Variants in DTNA observed in about 807,000 individuals in gnomAD.
The protein encoded by DTNA is dystrobrevin alpha, also known as dystrophin-related protein 3.
In DTNA, 43 loss-of-function variants were observed where a neutral mutation model predicts 100.7. The observed-to-expected ratio is 0.43, with a 90% CI of 0.33 to 0.55. The LOEUF (loss-of-function observed/expected upper bound fraction) is 0.55, where lower values mean the gene tolerates loss of function less well. Among genes scored for constraint, DTNA ranks in the 20% least tolerant of loss-of-function variants. The pLI, the probability that DTNA is intolerant of heterozygous loss-of-function variation, is 0.04. For missense variants in DTNA, 798 were observed against 953.9 expected, an observed-to-expected ratio of 0.84 and a Z score of 2.15; for synonymous variants, 349 against 347.9, an observed-to-expected ratio of 1.00 and a Z score of -0.04.
intron 1 of DTNA, among the ~76,000 whole-genome samples, chr18:34,729,354 G>A (rs1194767079): frequency 6.6e-6 from 1 of 152,172 alleles, no homozygotes; most frequent in African/African-American, 2.4e-5. Context: ...TCTTCCTTGA[G>A]TTCTTATGGC....
chr18:34,867,553 C>T (rs1245049971), intron 17 of DTNA: 15 of 1,120,872 alleles, frequency 1.3e-5, no homozygotes, highest in Non-Finnish European at 1.5e-5. Context: ...CTTCTTTCCT[C>T]TCCTGTCTCT....
intron 14 of DTNA, among the ~76,000 whole-genome samples, chr18:34,850,360 C>T (rs536632353): frequency 6.6e-6 from 1 of 152,210 alleles, no homozygotes; most frequent in Admixed American, 6.5e-5. Context: ...AGAAGAAAAT[C>T]TTGAATCACA....
intron 2 of DTNA, 150 bp downstream of exon 2, chr18:34,756,193 TCTTA>T (rs1303393790): frequency 2.4e-6 from 2 of 831,990 alleles, no homozygotes; most frequent in Non-Finnish European, 3.8e-6. Context: ...CTTTTTTACT[TCTTA>T]CTTGGCAAGA....
At chr18:34,867,285 G>C (rs2096716147) in intron 17 of DTNA, 1 of 1,231,118 alleles carries the variant, frequency 8.1e-7, no homozygotes, top group African/African-American at 1.6e-5. Context: ...TGTAAAAAAG[G>C]AAAGTGTAAA....
chr18:34,563,625 C>T (rs1010223920), intron 1 of DTNA, among the ~76,000 whole-genome samples: 1 of 152,166 alleles, frequency 6.6e-6, no homozygotes, highest in Non-Finnish European at 1.5e-5. Context: ...GTTCCTCCTT[C>T]CTCTTCTGCT....
chr18:34,685,547 T>C (rs1049578104), intron 1 of DTNA, among the ~76,000 whole-genome samples: 1 of 152,228 alleles, frequency 6.6e-6, no homozygotes, highest in African/African-American at 2.4e-5. Flanking sequence ...TGTAGCCTTG[T>C]AGTATAGTTT....
At chr18:34,563,456 GT>G (rs1337302412) in intron 1 of DTNA, among the ~76,000 whole-genome samples, 1 of 152,198 alleles carries the variant, frequency 6.6e-6, no homozygotes, top group African/African-American at 2.4e-5. Flanking sequence ...AAGCCAACCA[GT>G]TTTTGCTTAA....
intron 1 of DTNA, among the ~76,000 whole-genome samples, chr18:34,742,172 A>G (rs1432798567): frequency 6.6e-6 from 1 of 152,186 alleles, no homozygotes; most frequent in Non-Finnish European, 1.5e-5. Flanking sequence ...GCTACCTGCA[A>G]TGTGATCTTG....
intron 1 of DTNA, among the ~76,000 whole-genome samples, chr18:34,653,638 C>T (rs1025538666): frequency 4.6e-5 from 7 of 152,014 alleles, no homozygotes; most frequent in Admixed American, 1.3e-4. Context: ...GCCTGGTCAA[C>T]GTGGTGAAAC....
chr18:34,807,525 G>GATC (rs2095391208), intron 5 of DTNA, among the ~76,000 whole-genome samples: 6 of 152,164 alleles, frequency 3.9e-5, no homozygotes, highest in Admixed American at 3.9e-4. Flanking sequence ...CAAAAGGAAA[G>GATC]AATAAAGGAA....
At chr18:34,606,583 C>G (rs772690954) in intron 1 of DTNA, among the ~76,000 whole-genome samples, 15 of 152,040 alleles carry the variant, frequency 9.9e-5, no homozygotes, top group Non-Finnish European at 2.2e-4. Flanking sequence ...GAATGCAGTG[C>G]CCAGTGGGAA....
intron 8 of DTNA, chr18:34,818,547 G>A (rs2095643225): frequency 1.4e-6 from 2 of 1,425,720 alleles, no homozygotes; most frequent in Non-Finnish European, 1.8e-6. Flanking sequence ...AATATAGGAA[G>A]ACTCAAAACT....
chr18:34,505,317 A>G (rs547365909), intron 1 of DTNA, among the ~76,000 whole-genome samples: 95 of 152,254 alleles, frequency 6.2e-4, no homozygotes, highest in Middle Eastern at 3.4e-3. Context: ...CCCTCCTTTA[A>G]GGACACTGTG....
At chr18:34,857,360 A>G (rs2096564879) in intron 15 of DTNA, among the ~76,000 whole-genome samples, 1 of 152,228 alleles carries the variant, frequency 6.6e-6, no homozygotes, top group African/African-American at 2.4e-5. Flanking sequence ...TTCACCTTCC[A>G]TTCGCAGTGC....
At chr18:34,578,682 T>C (rs1054897384) in intron 1 of DTNA, among the ~76,000 whole-genome samples, 4 of 152,222 alleles carry the variant, frequency 2.6e-5, no homozygotes, top group African/African-American at 9.6e-5. Context: ...CTCTTCTACA[T>C]GTGGCTTGCC....
At chr18:34,759,337 G>A (rs1008704135) in intron 2 of DTNA, among the ~76,000 whole-genome samples, 1 of 152,168 alleles carries the variant, frequency 6.6e-6, no homozygotes, top group East Asian at 1.9e-4. Context: ...TACTCTCAGA[G>A]CACATTTACT....
rs142041019 is a variant in DTNA, at chr18:34,690,835, TA to T, written c.-1-65139del. Among the ~76,000 whole-genome samples the T allele has an allele frequency of 6.4e-4, 98 of 152,354 alleles. 2 individuals are homozygous for T. In the East Asian group the frequency reaches 0.017, roughly 26 times the overall value. ...GGCAAAGGCACAAAGCAATGCTGGCTAATGCTTACTGAGTTCTTATTTTATG... is the reference window on the plus strand; with the variant it reads ...GGCAAAGGCACAAAGCAATGCTGGCTATGCTTACTGAGTTCTTATTTTATG... On this transcript the variant is annotated intron_variant, in intron 1 of 19. Transcript: ENST00000283365.
At chr18:34,872,423 T>C (rs985727251) in intron 17 of DTNA, among the ~76,000 whole-genome samples, 2 of 152,202 alleles carry the variant, frequency 1.3e-5, no homozygotes, top group Non-Finnish European at 2.9e-5. Flanking sequence ...TAGTGAAATA[T>C]GGTCCATAGC....
chr18:34,848,498 T>G (rs1430373752), intron 14 of DTNA, 115 bp downstream of exon 14: 1 of 1,114,130 alleles, frequency 9.0e-7, no homozygotes, highest in Non-Finnish European at 1.3e-6. Flanking sequence ...TTGTGCTAAT[T>G]TATTGTGCAT....
Sources: gnomAD v4.1 joint callset for allele counts (sites outside exome capture counted in the v4.1 genomes callset) on GRCh38, gnomAD v4.1.1 for gene constraint, MANE v1.5 for transcripts, NCBI Gene and HGNC (gene_info 2026-07-23, HGNC 2026-07-21) for gene names.